Variants in CSNK1G3 observed in about 807,000 individuals in gnomAD.
CSNK1G3 encodes the protein casein kinase 1 gamma 3.
Under a neutral mutation model 64.3 loss-of-function variants are expected in CSNK1G3, and 23 were observed. That is an observed-to-expected ratio of 0.36 (90% confidence interval 0.26 to 0.51). The LOEUF is 0.51. Ranked by LOEUF, CSNK1G3 falls within the 20% of genes least tolerant of loss-of-function variation. The pLI is 0.96. For synonymous variants in CSNK1G3, 158 were observed against 162.2 expected (o/e 0.97, Z 0.20); for missense variants, 357 against 510.5 (o/e 0.70, Z 2.90).
In CSNK1G3 at chr5:123,608,055, C is replaced by T. The variant is rs535552233; in HGVS notation, c.1217+2693C>T. On this transcript the variant is annotated intron_variant, in intron 12 of 12. Transcript: ENST00000345990. ...AGTGATTTTCCTGCCCCAGCCCCCC[C>T]AGTAGGTGGGACTATAGGTGCACAC... Among the ~76,000 whole-genome samples the T allele has an allele frequency of 2.0e-5, 3 of 152,072 alleles. No homozygotes were observed. In the East Asian group the frequency reaches 5.8e-4, roughly 29 times the overall value.
intron 1 of CSNK1G3, among the ~76,000 whole-genome samples, chr5:123,530,105 A>T (rs1400392182): frequency 6.6e-6 from 1 of 152,032 alleles, no homozygotes; most frequent in Admixed American, 6.6e-5. Flanking sequence ...AAAAAATCAT[A>T]AATTAAATAT....
chr5:123,590,593 T>G (rs1472869268), intron 9 of CSNK1G3, 35 bp downstream of exon 9: 1 of 1,295,422 alleles, frequency 7.7e-7, no homozygotes, highest in Non-Finnish European at 1.0e-6. Flanking sequence ...TTACTTACAG[T>G]ATCTGTTGCC....
chr5:123,540,968 A>G (rs1015709328), intron 1 of CSNK1G3, among the ~76,000 whole-genome samples: 1 of 152,186 alleles, frequency 6.6e-6, no homozygotes, highest in Non-Finnish European at 1.5e-5. Flanking sequence ...TATACTCTGT[A>G]ATATTTTAGT....
At chr5:123,570,502 C>T (rs370320037) in intron 4 of CSNK1G3, among the ~76,000 whole-genome samples, 23 of 151,838 alleles carry the variant, frequency 1.5e-4, no homozygotes, top group South Asian at 6.2e-4. Context: ...TACAGGCACA[C>T]GCCACCATGC....
intron 6 of CSNK1G3, 46 bp from the exon 7 acceptor site, chr5:123,588,022 T>G: frequency 4.0e-6 from 5 of 1,247,722 alleles, no homozygotes; most frequent in Non-Finnish European, 4.6e-6. Context: ...TCTTCCATTC[T>G]TAACTGTTAG....
rs1248580455 is a variant in CSNK1G3 at position 123,615,730 on chromosome 5, A to C, written c.*1334A>C. On this transcript the variant is annotated 3_prime_UTR_variant, in exon 13 of 13. Transcript: ENST00000345990. ...TAGCCAAAATTTTCAAGAAGGGTTA[A>C]AACAAAGACTGGCTAGAAAGATAAT... The C allele has an allele frequency of 3.9e-5, 6 of 152,332 alleles. No individual in the cohort carries two copies. In the East Asian group the frequency reaches 1.2e-3, roughly 29 times the overall value. The allele number at this position is 152,332 out of a possible 1,614,324, so 9.4% of individuals were successfully genotyped here.
chr5:123,597,660 T>G (rs938007405), intron 10 of CSNK1G3, among the ~76,000 whole-genome samples: 2 of 151,394 alleles, frequency 1.3e-5, no homozygotes, highest in African/African-American at 4.8e-5. Context: ...AGTCTAAATT[T>G]GAACTCCCTG....
intron 1 of CSNK1G3, among the ~76,000 whole-genome samples, chr5:123,544,474 A>G (rs182806622): frequency 3.9e-5 from 6 of 152,334 alleles, no homozygotes; most frequent in African/African-American, 1.4e-4. Context: ...AAATTTTTGT[A>G]ATAGGAATAA....
At chr5:123,601,121 A>G (rs544990881) in intron 10 of CSNK1G3, among the ~76,000 whole-genome samples, 1 of 152,124 alleles carries the variant, frequency 6.6e-6, no homozygotes, top group Non-Finnish European at 1.5e-5. Flanking sequence ...CTTCTAGTTC[A>G]AGTTATAATT....
chr5:123,531,926 G>A (rs1461415926), intron 1 of CSNK1G3, among the ~76,000 whole-genome samples: 1 of 151,642 alleles, frequency 6.6e-6, no homozygotes, highest in Non-Finnish European at 1.5e-5. Context: ...TATTTTAATG[G>A]GTGCCTAATT....
chr5:123,542,650 AAG>A (rs1262972489), intron 1 of CSNK1G3, among the ~76,000 whole-genome samples: 1 of 152,166 alleles, frequency 6.6e-6, no homozygotes, highest in Non-Finnish European at 1.5e-5. Flanking sequence ...CTGTGGCAAA[AAG>A]AGGGGAAAAA....
chr5:123,564,069 A>G (rs1581151693), intron 4 of CSNK1G3, among the ~76,000 whole-genome samples: 1 of 152,054 alleles, frequency 6.6e-6, no homozygotes, highest in Admixed American at 6.6e-5. Context: ...GGAAATTTCT[A>G]CAAGTTTTAC....
At chr5:123,542,819 A>AT (rs1781883618) in intron 1 of CSNK1G3, among the ~76,000 whole-genome samples, 2 of 139,330 alleles carry the variant, frequency 1.4e-5, no homozygotes, top group African/African-American at 5.5e-5. Flanking sequence ...AAATTTTTGG[A>AT]TTTTAGCAGT....
At chr5:123,545,980 A>T in intron 2 of CSNK1G3, 139 bp downstream of exon 2, 1 of 793,876 alleles carries the variant, frequency 1.3e-6, no homozygotes, top group Non-Finnish European at 2.0e-6. Context: ...GATGTTGGAA[A>T]TTTCTTTTGT....
chr5:123,528,915 T>G (rs971085384), intron 1 of CSNK1G3, among the ~76,000 whole-genome samples: 9 of 152,222 alleles, frequency 5.9e-5, no homozygotes, highest in African/African-American at 2.2e-4. Context: ...GGCAAAAATT[T>G]TGAGTCACCC....
intron 1 of CSNK1G3, among the ~76,000 whole-genome samples, chr5:123,541,867 A>G (rs1581011255): frequency 6.6e-6 from 1 of 151,104 alleles, no homozygotes; most frequent in Non-Finnish European, 1.5e-5. Context: ...CTGTCTTGCT[A>G]TTTGTTTTAT....
rs2150264442 is a variant in CSNK1G3 at position 123,545,443 on chromosome 5, T to C, written c.-221T>C. 3 of 417,902 alleles carry C rather than the reference T, an allele frequency of 7.2e-6. No individual in the cohort carries two copies. In the East Asian group the frequency reaches 1.0e-4, roughly 14 times the overall value. 25.9% of individuals were successfully genotyped at this position (417,902 alleles called of 1,614,324 possible). ...TCTCTATCAATATCAGCTCACATCA[T>C]TGAAAAGATAATTTTGAAGACATGT... On this transcript the variant is annotated 5_prime_UTR_variant, in exon 2 of 13. Transcript: ENST00000345990.
chr5:123,556,852 A>G (rs1189188267), intron 3 of CSNK1G3, among the ~76,000 whole-genome samples: 1 of 152,002 alleles, frequency 6.6e-6, no homozygotes, highest in African/African-American at 2.4e-5. Context: ...GACACAACAG[A>G]AAGCATATAC....
intron 4 of CSNK1G3, among the ~76,000 whole-genome samples, chr5:123,559,623 A>G (rs1785286666): frequency 6.6e-6 from 1 of 151,566 alleles, no homozygotes; most frequent in Non-Finnish European, 1.5e-5. Flanking sequence ...GGTTTGCATC[A>G]TGGTGGCTCT....
Sources: gnomAD v4.1 joint callset for allele counts (sites outside exome capture counted in the v4.1 genomes callset) on GRCh38, gnomAD v4.1.1 for gene constraint, MANE v1.5 for transcripts, NCBI Gene and HGNC (gene_info 2026-07-23, HGNC 2026-07-21) for gene names.